The following ABCA8 variants were observed in gnomAD, a reference collection of about 807,000 sequenced individuals.
ABCA8 encodes ATP binding cassette subfamily A member 8.
A neutral mutation model predicts 192.3 loss-of-function variants in ABCA8; 177 were observed. The observed-to-expected ratio is 0.92, with a 90% CI of 0.81 to 1.04. ABCA8 has a LOEUF of 1.04. Among genes scored for constraint, ABCA8 ranks in the 50% least tolerant of loss-of-function variants. The pLI is 0.00. For synonymous variants in ABCA8, 642 were observed against 690.2 expected, an observed-to-expected ratio of 0.93 and a Z score of 1.09; for missense variants, 1,915 against 1,904.8, an observed-to-expected ratio of 1.01 and a Z score of -0.10.
At chr17:68,890,307 A>G (rs932551788) in intron 24 of ABCA8, among the ~76,000 whole-genome samples, 7 of 152,190 alleles carry the variant, frequency 4.6e-5, no homozygotes, top group African/African-American at 1.4e-4. Context: ...GACATTAACC[A>G]TCTTTTCATG....
Position 68,868,322 on chromosome 17 carries a change from G to T in ABCA8, c.4746C>A (p.Leu1582=). Residue 1582 remains leucine (L), a synonymous_variant, in exon 39 of 40, where the codon CTC becomes CTA. Coordinates refer to ENST00000586539, the MANE Select transcript of ABCA8 (RefSeq NM_001288985.2). ...KQSFDLEEYS[L]SQSTLEQVFL... Reference sequence around the variant, plus strand: ...CCACCTGCTCCAGGGTAGACTGTGAGAGGCTGTACTCCTCTAGGTCAAAGC... The same window carrying T: ...CCACCTGCTCCAGGGTAGACTGTGATAGGCTGTACTCCTCTAGGTCAAAGC... The T allele has an allele frequency of 1.2e-6, 2 of 1,613,770 alleles. No homozygotes were observed. The highest frequency in any genetic ancestry group is 8.5e-7 in the Non-Finnish European group (1 of 1,179,742).
chr17:68,945,307 T>C (rs1054298562), intron 2 of ABCA8, among the ~76,000 whole-genome samples: 1 of 148,914 alleles, frequency 6.7e-6, no homozygotes, highest in East Asian at 2.0e-4. Context: ...CTTAGACTTC[T>C]GGAAATAGCT....
chr17:68,928,348 C>T (rs1030232769), intron 9 of ABCA8, among the ~76,000 whole-genome samples: 1 of 152,134 alleles, frequency 6.6e-6, no homozygotes, highest in Non-Finnish European at 1.5e-5. Context: ...CATTTGAGAT[C>T]GAACTTAGAT....
rs200247544 is a variant in ABCA8, at chr17:68,928,108, T to C, written c.1126-45A>G. 3.0e-4 allele frequency: 446 copies of C among 1,472,768 alleles called. 3 individuals are homozygous for C. The highest frequency in any genetic ancestry group is 7.2e-4 in the Admixed American group (35 of 48,540). The allele number at this position is 1,472,768 out of a possible 1,614,324, so 91.2% of individuals were successfully genotyped here. On this transcript the variant is annotated intron_variant, in intron 9 of 39. Coordinates refer to ENST00000586539, the MANE Select transcript of ABCA8 (RefSeq NM_001288985.2). ...TAATTAAGGGAAATTAGGTATAAGA[T>C]ACATTTTAAACAGTTAGGTTTAGCA...
chr17:68,936,027 A>G (rs970052643), intron 5 of ABCA8, among the ~76,000 whole-genome samples: 3 of 152,116 alleles, frequency 2.0e-5, no homozygotes, highest in Admixed American at 6.5e-5. Flanking sequence ...AAATAACTGC[A>G]CTGAAAAATA....
intron 2 of ABCA8, among the ~76,000 whole-genome samples, chr17:68,943,854 C>A (rs2068301184): frequency 6.6e-6 from 1 of 151,830 alleles, no homozygotes; most frequent in African/African-American, 2.4e-5. Flanking sequence ...ACAGGCTTCA[C>A]CTAGTATTCA....
chr17:68,932,884 C>T (rs2067945124), intron 6 of ABCA8, among the ~76,000 whole-genome samples: 1 of 152,166 alleles, frequency 6.6e-6, no homozygotes, highest in Non-Finnish European at 1.5e-5. Context: ...GGTTTTTACT[C>T]ATTTACTTAT....
Position 68,885,279 on chromosome 17 carries a change from T to C in ABCA8, c.3466A>G (p.Ile1156Val), listed in dbSNP as rs1323845417. Residue 1156 changes from isoleucine (I) to valine (V), a missense_variant, in exon 27 of 40, where the codon ATC (isoleucine) becomes GTC (valine). Physicochemically the swap from Ile to Val is conservative, Grantham distance 29. Coordinates refer to ENST00000586539, the MANE Select transcript of ABCA8 (RefSeq NM_001288985.2). ...ATAAATGGAATATCACTTTCGAAGATACTGAACGCAAATCCAGCCACAGAG... is the reference window on the plus strand; with the variant it reads ...ATAAATGGAATATCACTTTCGAAGACACTGAACGCAAATCCAGCCACAGAG... ...VFSVAGFAFS[I>V]FESDIPFIFT... is the part of the protein sequence containing the mutation. The C allele has an allele frequency of 1.5e-5, 24 of 1,613,170 alleles. No homozygotes were observed. Among genetic ancestry groups the C allele is most frequent in the Non-Finnish European group, 1.9e-5 (23 of 1,179,704 alleles).
chr17:68,869,788 A>G lies in ABCA8; in HGVS notation c.4632-9T>C, dbSNP rs1489612904. On this transcript the variant is annotated splice_polypyrimidine_tract_variant and intron_variant, in intron 37 of 39. Coordinates refer to ENST00000586539, the MANE Select transcript of ABCA8 (RefSeq NM_001288985.2). ...CCATCAGAGAGGAGTACCTGAGAGA[A>G]AAGGAGAGGTAAGAAGAGTGATACC... 6.9e-6 allele frequency: 11 copies of G among 1,598,048 alleles called. No individual in the cohort carries two copies. Among genetic ancestry groups the G allele is most frequent in the Non-Finnish European group, 9.4e-6 (11 of 1,165,616 alleles).
chr17:68,922,260 T>TATCA lies in ABCA8; in HGVS notation c.1479_1482dup (p.Lys495Ter), dbSNP rs1567864027. 9.1e-7 allele frequency: 1 copy of TATCA among 1,096,952 alleles called. No homozygotes were observed. The highest frequency in any genetic ancestry group is 3.2e-5 in the Admixed American group (1 of 31,338). The allele number at this position is 1,096,952 out of a possible 1,614,324, so 68.0% of individuals were successfully genotyped here. A position where few individuals can be genotyped will look rare whatever the true frequency, so the allele number is the denominator to read the frequency against. On this transcript the variant is annotated stop_gained and frameshift_variant, in exon 12 of 40. Coordinates refer to ENST00000586539, the MANE Select transcript of ABCA8 (RefSeq NM_001288985.2). LOFTEE classifies it high-confidence loss of function. Reference sequence around the variant, plus strand: ...TTTTTACCTTTCAAGGCTTCTATTTTATCAGGCTTTCCTTTATATTCTTTT... The same window carrying TATCA: ...TTTTTACCTTTCAAGGCTTCTATTTTATCAATCAGGCTTTCCTTTATATTCTTTT...
intron 19 of ABCA8, among the ~76,000 whole-genome samples, chr17:68,904,596 A>T (rs188856977): frequency 3.9e-5 from 6 of 152,292 alleles, no homozygotes; most frequent in African/African-American, 7.2e-5. Flanking sequence ...GCCCAGATTT[A>T]AAAATTCTGT....
chr17:68,880,177 G>C (rs2066299681), intron 32 of ABCA8: 1 of 152,220 alleles, frequency 6.6e-6, no homozygotes, highest in Non-Finnish European at 1.5e-5. Context: ...TAAAAATCCT[G>C]GACTCAGCCA....
At chr17:68,906,196 C>A (rs879021522) in intron 18 of ABCA8, 33 bp from the exon 19 acceptor site, 1 of 1,426,822 alleles carries the variant, frequency 7.0e-7, no homozygotes, top group Non-Finnish European at 9.2e-7. Flanking sequence ...TGAATTAAAA[C>A]AAGAATCACA....
intron 4 of ABCA8, among the ~76,000 whole-genome samples, chr17:68,940,530 C>T (rs1038610113): frequency 6.6e-6 from 1 of 152,114 alleles, no homozygotes; most frequent in African/African-American, 2.4e-5. Context: ...TTTTGAGAGA[C>T]TGCGCACCCC....
At chr17:68,912,086 A>T (rs1358075533) in intron 17 of ABCA8, among the ~76,000 whole-genome samples, 1 of 152,106 alleles carries the variant, frequency 6.6e-6, no homozygotes, top group Non-Finnish European at 1.5e-5. Context: ...AAGACTATCC[A>T]AAAAAACATG....
At chr17:68,941,301 A>C (rs1430964293) in intron 3 of ABCA8, among the ~76,000 whole-genome samples, 1 of 152,160 alleles carries the variant, frequency 6.6e-6, no homozygotes, top group Non-Finnish European at 1.5e-5. Flanking sequence ...CGAACTCCCA[A>C]TAAGAAATCA....
At chr17:68,948,123 A>G (rs79956285) in intron 2 of ABCA8, among the ~76,000 whole-genome samples, 9,328 of 152,204 alleles carry the variant, frequency 0.061, 909 homozygotes, top group African/African-American at 0.21. Context: ...TATGTGCCAC[A>G]CTTTCTTTAG....
chr17:68,919,445 T>C lies in ABCA8; in HGVS notation c.1644A>G (p.Ser548=), dbSNP rs1041714767. 7 of 1,614,076 alleles carry C rather than the reference T, an allele frequency of 4.3e-6. No individual in the cohort carries two copies. Among genetic ancestry groups the C allele is most frequent in the Non-Finnish European group, 5.9e-6 (7 of 1,179,980 alleles). ...TGAGATTTTCTAGGTCAGCCATTTCTGAAAGCTTATTGTTATAGATGGTGA... is the reference window on the plus strand; with the variant it reads ...TGAGATTTTCTAGGTCAGCCATTTCCGAAAGCTTATTGTTATAGATGGTGA... The part of the protein sequence containing the change: ...GSVTIYNNKL[S]EMADLENLSK... Residue 548 remains serine, a synonymous_variant, in exon 14 of 40, where the codon TCA becomes TCG. Transcript: ENST00000586539.
At chr17:68,873,180 G>A (rs6501834) in intron 37 of ABCA8, among the ~76,000 whole-genome samples, 60,877 of 151,866 alleles carry the variant, frequency 0.4, 12,534 homozygotes, top group East Asian at 0.52. Context: ...CTTTTATGCC[G>A]ATTTTTACTC....
Sources: gnomAD v4.1 joint callset for allele counts (sites outside exome capture counted in the v4.1 genomes callset) on GRCh38, gnomAD v4.1.1 for gene constraint, MANE v1.5 for transcripts, NCBI Gene and HGNC (gene_info 2026-07-23, HGNC 2026-07-21) for gene names.